SAE1: variants seen among roughly 807,000 people sequenced by gnomAD.
SAE1 encodes the protein SUMO1 activating enzyme subunit 1.
A neutral mutation model predicts 40.6 loss-of-function variants in SAE1; 11 were observed. That is an observed-to-expected ratio of 0.27 (90% CI 0.17 to 0.45). The LOEUF (loss-of-function observed/expected upper bound fraction) is 0.45. Among genes scored for constraint, SAE1 ranks in the 20% least tolerant of loss-of-function variants. The pLI is 1.00. For synonymous variants in SAE1, 155 were observed against 154.3 expected, an observed-to-expected ratio of 1.00 and a Z score of -0.03; for missense variants, 373 against 427.3, an observed-to-expected ratio of 0.87 and a Z score of 1.12.
chr19:47,150,074 CAAAAAAAA>C, intron 2 of SAE1, 120 bp from the exon 3 acceptor site: 1 of 335,120 alleles, frequency 3.0e-6, no homozygotes. Context: ...AAGACTGTCT[CAAAAAAAA>C]AAAAAAAAAA....
At chr19:47,146,938 G>A (rs1389961506) in intron 2 of SAE1, among the ~76,000 whole-genome samples, 1 of 152,166 alleles carries the variant, frequency 6.6e-6, no homozygotes, top group Non-Finnish European at 1.5e-5. Context: ...GAAGACTCAG[G>A]TGGATCAGGA....
At chr19:47,171,465 T>G (rs2058432470) in intron 6 of SAE1, among the ~76,000 whole-genome samples, 2 of 150,606 alleles carry the variant, frequency 1.3e-5, no homozygotes, top group Non-Finnish European at 3.0e-5. Context: ...GCTAATTTTC[T>G]TTTTTTTTGA....
At chr19:47,158,610 T>C (rs974638646) in intron 5 of SAE1, among the ~76,000 whole-genome samples, 7 of 152,200 alleles carry the variant, frequency 4.6e-5, no homozygotes, top group African/African-American at 1.4e-4. Flanking sequence ...GGAAGTAGGA[T>C]AAACCGAAAG....
chr19:47,130,900 G>T lies in SAE1; in HGVS notation c.-31G>T. ...TCCGGCGGGCGGTTGGCTTGAGCGG[G>T]ACCGGAGCTGAGGCAGGAAGAGCCG... On this transcript the variant is annotated 5_prime_UTR_variant, in exon 1 of 9. Transcript: ENST00000270225. 2.6e-6 allele frequency: 4 copies of T among 1,548,392 alleles called. No homozygotes were observed. The highest frequency in any genetic ancestry group is 1.2e-5 in the South Asian group (1 of 83,900).
chr19:47,188,713 T>C (rs2058559875), intron 6 of SAE1, among the ~76,000 whole-genome samples: 1 of 152,220 alleles, frequency 6.6e-6, no homozygotes, highest in African/African-American at 2.4e-5. Flanking sequence ...TCAGGGTCCT[T>C]GTCACTTGCC....
intron 6 of SAE1, among the ~76,000 whole-genome samples, chr19:47,183,632 T>G (rs1600196901): frequency 6.6e-6 from 1 of 151,786 alleles, no homozygotes; most frequent in Admixed American, 6.6e-5. Flanking sequence ...GGCCCACATC[T>G]CCCCCACTCC....
In SAE1 at chr19:47,150,443, C is replaced by G. The variant is rs2058281438; in HGVS notation, c.384+68C>G. 4.0e-6 allele frequency: 5 copies of G among 1,259,956 alleles called. No individual in the cohort carries two copies. In the South Asian group the frequency reaches 4.3e-5, roughly 11 times the overall value. The allele number at this position is 1,259,956 out of a possible 1,614,324, so 78.0% of individuals were successfully genotyped here. A position where few individuals can be genotyped will look rare whatever the true frequency, so the allele number is the denominator to read the frequency against. The stretch of plus-strand genomic sequence containing the variant: ...TTAAGGTGCTAGTTGTATATACTTT[C>G]AAATCCCAAAGCAATCTGAGAGCAT... On this transcript the variant is annotated intron_variant, in intron 3 of 8. Coordinates refer to ENST00000270225, the MANE Select transcript of SAE1 (RefSeq NM_005500.3).
At chr19:47,148,927 G>A (rs2058270236) in intron 2 of SAE1, among the ~76,000 whole-genome samples, 1 of 151,512 alleles carries the variant, frequency 6.6e-6, no homozygotes, top group African/African-American at 2.4e-5. Context: ...GTCTATCTAT[G>A]TTTTTTAAAA....
At chr19:47,193,057 CTTTT>C (rs869046931) in intron 6 of SAE1, among the ~76,000 whole-genome samples, 7 of 137,004 alleles carry the variant, frequency 5.1e-5, no homozygotes, top group Non-Finnish European at 7.9e-5. Flanking sequence ...TGGTCACAGC[CTTTT>C]TTTTTTTTTT....
chr19:47,133,113 T>A (rs115828525), intron 1 of SAE1, among the ~76,000 whole-genome samples: 406 of 152,272 alleles, frequency 2.7e-3, no homozygotes, highest in African/African-American at 9.6e-3. Context: ...ATTGTCAAAT[T>A]AGAGAAATAA....
At chr19:47,157,369 G>A (rs749234377) in intron 5 of SAE1, among the ~76,000 whole-genome samples, 2 of 152,192 alleles carry the variant, frequency 1.3e-5, no homozygotes, top group Non-Finnish European at 2.9e-5. Flanking sequence ...ACAAACGGAG[G>A]AGTACAAAAG....
At chr19:47,173,704 C>G (rs2058449293) in intron 6 of SAE1, among the ~76,000 whole-genome samples, 1 of 152,136 alleles carries the variant, frequency 6.6e-6, no homozygotes, top group Non-Finnish European at 1.5e-5. Context: ...TTTCCAGACA[C>G]CACTGCCACA....
At chr19:47,198,177 T>C (rs1406610319) in intron 7 of SAE1, among the ~76,000 whole-genome samples, 1 of 152,028 alleles carries the variant, frequency 6.6e-6, no homozygotes, top group Non-Finnish European at 1.5e-5. Flanking sequence ...TGGCACAATC[T>C]CAACTCACCG....
intron 6 of SAE1, among the ~76,000 whole-genome samples, chr19:47,187,758 T>C (rs947805625): frequency 2.3e-4 from 35 of 152,024 alleles, no homozygotes; most frequent in Non-Finnish European, 4.7e-4. Flanking sequence ...CTGACCTCAG[T>C]TGATCTGCTT....
intron 5 of SAE1, among the ~76,000 whole-genome samples, chr19:47,160,889 AG>A (rs1373468954): frequency 6.6e-6 from 1 of 152,186 alleles, no homozygotes; most frequent in Non-Finnish European, 1.5e-5. Flanking sequence ...TAGGGCAACG[AG>A]GGGTGTAAAT....
At chr19:47,183,629 A>G (rs929105747) in intron 6 of SAE1, among the ~76,000 whole-genome samples, 1 of 151,768 alleles carries the variant, frequency 6.6e-6, no homozygotes, top group Non-Finnish European at 1.5e-5. Context: ...GCAGGCCCAC[A>G]TCTCCCCCAC....
chr19:47,188,667 C>G (rs1302809152), intron 6 of SAE1, among the ~76,000 whole-genome samples: 1 of 152,182 alleles, frequency 6.6e-6, no homozygotes. Flanking sequence ...TTAAACCCCA[C>G]AAGTGCCCTT....
chr19:47,169,335 T>A (rs1012482662), intron 5 of SAE1, among the ~76,000 whole-genome samples: 5 of 152,192 alleles, frequency 3.3e-5, no homozygotes, highest in Admixed American at 1.3e-4. Context: ...AAACTCCACC[T>A]CCTGGGTTCA....
chr19:47,149,666 T>C (rs1159350888), intron 2 of SAE1, among the ~76,000 whole-genome samples: 1 of 152,144 alleles, frequency 6.6e-6, no homozygotes, highest in Non-Finnish European at 1.5e-5. Flanking sequence ...ACAGTGAATT[T>C]TCTTTATAAA....
Sources: allele counts gnomAD v4.1 joint callset (sites outside exome capture counted in the v4.1 genomes callset), GRCh38; gene constraint gnomAD v4.1.1; transcripts MANE v1.5; gene names NCBI Gene and HGNC (gene_info 2026-07-23, HGNC 2026-07-21).